Variants in JAK3 observed in about 807,000 individuals in gnomAD.
The protein encoded by JAK3 is tyrosine-protein kinase JAK3.
Under a neutral mutation model 120.8 loss-of-function variants are expected in JAK3, and 88 were observed. The ratio of observed to expected loss-of-function variants is 0.73; its 90% CI spans 0.61 to 0.87. JAK3 has a LOEUF of 0.87. Among genes scored for constraint, JAK3 ranks in the 40% least tolerant of loss-of-function variants. JAK3 has a pLI of 0.00. For missense variants in JAK3, 1,254 were observed against 1,501.4 expected (o/e 0.84, Z 2.72); for synonymous variants, 592 against 628.6 (o/e 0.94, Z 0.87).
intron 21 of JAK3, among the ~76,000 whole-genome samples, chr19:17,830,906 A>G (rs1304619621): frequency 1.3e-4 from 8 of 60,348 alleles, no homozygotes; most frequent in Non-Finnish European, 1.9e-4. Flanking sequence ...GGGCGGGGGG[A>G]AGGGCGGAAC....
chr19:17,842,968 T>G lies in JAK3; in HGVS notation c.566+59A>C, dbSNP rs894122823. ...TGGTGGGAGCCCGGCAAAGCCCCGA[T>G]GGAGCCCACGTTGCTCACTCCCAAG... On this transcript the variant is annotated intron_variant, in intron 5 of 23. Coordinates refer to ENST00000458235, the MANE Select transcript of JAK3 (RefSeq NM_000215.4). This position sits in a 1 kb window ranked among gnomAD's most constrained non-coding sequence, Gnocchi z 6.4. 5 of 1,599,658 alleles carry G rather than the reference T, an allele frequency of 3.1e-6. No homozygotes were observed. In the African/African-American group the frequency reaches 6.7e-5, roughly 21 times the overall value.
At chr19:17,836,100 T>G (rs2094223728) in intron 13 of JAK3, 49 bp from the exon 14 acceptor site, 1 of 1,609,418 alleles carries the variant, frequency 6.2e-7, no homozygotes, top group Non-Finnish European at 8.5e-7. Context: ...ACTGCACTTG[T>G]GTTGAGGAGG....
rs774261710 is a variant in JAK3 at position 17,830,459 on chromosome 19, C to T, written c.3096+44G>A. ...CAGGTTGGAGATTGGCCACGAGGGG[C>T]GTGGAGGGAGAAGAAGGCTGGGGGC... On this transcript the variant is annotated intron_variant, in intron 22 of 23. Coordinates refer to ENST00000458235, the MANE Select transcript of JAK3 (RefSeq NM_000215.4). 5.4e-6 allele frequency: 8 copies of T among 1,481,890 alleles called. No individual in the cohort carries two copies. In the African/African-American group the frequency reaches 9.7e-5, roughly 18 times the overall value. The allele number at this position is 1,481,890 out of a possible 1,614,324, so 91.8% of individuals were successfully genotyped here.
Position 17,842,558 on chromosome 19 carries a change from A to C in JAK3, c.619T>G (p.Phe207Val), listed in dbSNP as rs747707407. The change falls in exon 6 of 24, where the codon TTC (phenylalanine) becomes GTC (valine). Residue 207 changes from phenylalanine to valine, a missense_variant. Physicochemically the swap from Phe to Val is conservative, Grantham distance 50. Transcript: ENST00000458235. This position sits in a 1 kb window ranked among gnomAD's most constrained non-coding sequence, Gnocchi z 6.4. ...CTCCGAATACGCCTCCGCGTCACGA[A>C]GCTCAGGCCCTGGATCAGGTCGCGC... ...SLRDLIQGLS[F>V]VTRRRIRRTV... The C allele has an allele frequency of 1.9e-6, 3 of 1,587,614 alleles. No homozygotes were observed. Among genetic ancestry groups the C allele is most frequent in the Non-Finnish European group, 2.6e-6 (3 of 1,167,560 alleles).
intron 1 of JAK3, 104 bp from the exon 2 acceptor site, chr19:17,844,534 T>C (rs989117027): frequency 5.9e-6 from 6 of 1,010,010 alleles, no homozygotes; most frequent in Middle Eastern, 2.7e-4. Flanking sequence ...TGCGGTGGCT[T>C]ATGCCTGTAA....
At chr19:17,827,740 AAAAAAAAAAAAAAAAAAAAT>A (rs2094206606) in intron 23 of JAK3, among the ~76,000 whole-genome samples, 1 of 66,014 alleles carries the variant, frequency 1.5e-5, no homozygotes. Context: ...AAAAAAAAAA[AAAAAAAAAAAAAAAAAAAAT>A]TACAGGTGGC....
In JAK3 at chr19:17,832,773, G is replaced by A. The variant is rs1012424691; in HGVS notation, c.2490+17C>T. 8 of 1,614,206 alleles carry A rather than the reference G, an allele frequency of 5.0e-6. No individual in the cohort carries two copies. Among genetic ancestry groups the A allele is most frequent in the Non-Finnish European group, 6.8e-6 (8 of 1,180,018 alleles). ...TGCCCTGCCCTCTCCAACCCACCCT[G>A]GCCCTGCCCACCTTACCTTGCCCAG... On this transcript the variant is annotated intron_variant, in intron 18 of 23. Coordinates refer to ENST00000458235, the MANE Select transcript of JAK3 (RefSeq NM_000215.4). The surrounding 1 kb of genome is among the most constrained non-coding windows in gnomAD (Gnocchi z 4.7).
Position 17,843,334 on chromosome 19 carries a change from C to G in JAK3, c.420+46G>C, listed in dbSNP as rs1012278353. ...ATTGCATGCCAGTCCTCATGTTGCCCCTTGGACCCCCAACCCCCTGGGTCA... is the reference window on the plus strand; with the variant it reads ...ATTGCATGCCAGTCCTCATGTTGCCGCTTGGACCCCCAACCCCCTGGGTCA... On this transcript the variant is annotated intron_variant, in intron 4 of 23. Transcript: ENST00000458235. The surrounding 1 kb of genome is among the most constrained non-coding windows in gnomAD (Gnocchi z 5.4). 1 of 1,525,624 alleles carries G rather than the reference C, an allele frequency of 6.6e-7. No homozygotes were observed. Among genetic ancestry groups the G allele is most frequent in the Non-Finnish European group, 8.9e-7 (1 of 1,122,984 alleles). 94.5% of individuals were successfully genotyped at this position (1,525,624 alleles called of 1,614,324 possible). A position where few individuals can be genotyped will look rare whatever the true frequency, so the allele number is the denominator to read the frequency against.
Position 17,831,100 on chromosome 19 carries a change from A to C in JAK3, c.2978+128T>G. 1 of 973,558 alleles carries C rather than the reference A, an allele frequency of 1.0e-6. No individual in the cohort carries two copies. The highest frequency in any genetic ancestry group is 1.6e-5 in the South Asian group (1 of 63,360). 60.3% of individuals were successfully genotyped at this position (973,558 alleles called of 1,614,324 possible). On this transcript the variant is annotated intron_variant, in intron 21 of 23. Transcript: ENST00000458235. The surrounding 1 kb of genome is among the most constrained non-coding windows in gnomAD (Gnocchi z 5.1). ...GGGGCTCTGGGGAGTGGGAGGGGCC[A>C]AAGCTGCAGCGGAGGAAGGGCGGGG...
intron 14 of JAK3, among the ~76,000 whole-genome samples, 187 bp from the exon 15 acceptor site, chr19:17,835,402 T>G (rs938274044): frequency 6.6e-6 from 1 of 152,044 alleles, no homozygotes; most frequent in African/African-American, 2.4e-5. Context: ...GCTATGTCCC[T>G]CCCCTTCTCA....
Position 17,840,487 on chromosome 19 carries a change from G to A in JAK3, c.1143-146C>T. On this transcript the variant is annotated intron_variant, in intron 8 of 23. Coordinates refer to ENST00000458235, the MANE Select transcript of JAK3 (RefSeq NM_000215.4). ...CATTTATAAAATCAGCCATGGGCCA[G>A]GCGCCGTGGCTCACGCCTGTAATCC... is the stretch of plus-strand genomic sequence containing the variant. 2 of 657,284 alleles carry A rather than the reference G, an allele frequency of 3.0e-6. 1 individual carries two copies. Among genetic ancestry groups the A allele is most frequent in the South Asian group, 3.5e-5 (2 of 57,662 alleles). The allele number at this position is 657,284 out of a possible 1,614,324, so 40.7% of individuals were successfully genotyped here.
rs1423586230 is a variant in JAK3, at chr19:17,843,187, C to T, written c.421-15G>A. 6.3e-7 allele frequency: 1 copy of T among 1,599,090 alleles called. No homozygotes were observed. The highest frequency in any genetic ancestry group is 8.5e-7 in the Non-Finnish European group (1 of 1,175,718). On this transcript the variant is annotated splice_polypyrimidine_tract_variant and intron_variant, in intron 4 of 23. Coordinates refer to ENST00000458235, the MANE Select transcript of JAK3 (RefSeq NM_000215.4). This position sits in a 1 kb window ranked among gnomAD's most constrained non-coding sequence, Gnocchi z 5.4. ...TCACTGCGGTGCTGGGGGGCCGCCA[C>T]AGGGAGCATCAGCTGAGGCCACCCA...
chr19:17,825,667 C>T lies in JAK3; in HGVS notation c.*1076G>A, dbSNP rs977642720. 6.9e-5 allele frequency: 12 copies of T among 173,804 alleles called. No homozygotes were observed. The highest frequency in any genetic ancestry group is 3.2e-4 in the Admixed American group (5 of 15,644). The allele number at this position is 173,804 out of a possible 1,614,324, so 10.8% of individuals were successfully genotyped here. A position where few individuals can be genotyped will look rare whatever the true frequency, so the allele number is the denominator to read the frequency against. Reference sequence around the variant, plus strand: ...CTGTAATCCCAGCACTTTGGGAGGCCGAGACGGGCAGATCACGAGGTCAGG... The same window carrying T: ...CTGTAATCCCAGCACTTTGGGAGGCTGAGACGGGCAGATCACGAGGTCAGG... On this transcript the variant is annotated 3_prime_UTR_variant, in exon 24 of 24. Coordinates refer to ENST00000458235, the MANE Select transcript of JAK3 (RefSeq NM_000215.4).
At chr19:17,844,201 C>T (rs1215541514) in intron 2 of JAK3, 33 bp downstream of exon 2, 1 of 1,553,146 alleles carries the variant, frequency 6.4e-7, no homozygotes, top group African/African-American at 1.4e-5. Context: ...CCCCATCCTT[C>T]CCTCTGGCCC....
chr19:17,829,363 T>C (rs2147672949), intron 23 of JAK3, among the ~76,000 whole-genome samples: 1 of 152,228 alleles, frequency 6.6e-6, no homozygotes, highest in South Asian at 2.1e-4. Flanking sequence ...GTCACCATGT[T>C]GGCCAGGCTA....
rs966548994 is a variant in JAK3, at chr19:17,841,779, G to A, written c.862-17C>T. 3 of 1,601,066 alleles carry A rather than the reference G, an allele frequency of 1.9e-6. No homozygotes were observed. Among genetic ancestry groups the A allele is most frequent in the Admixed American group, 3.3e-5 (2 of 59,976 alleles). ...CTGGAGGACCTGGGAAGGAGGGGGAGTACCGAAGTGGGGGCCCAGCTGGAC... is the reference window on the plus strand; with the variant it reads ...CTGGAGGACCTGGGAAGGAGGGGGAATACCGAAGTGGGGGCCCAGCTGGAC... On this transcript the variant is annotated splice_polypyrimidine_tract_variant and intron_variant, in intron 6 of 23. Transcript: ENST00000458235. The surrounding 1 kb of genome is among the most constrained non-coding windows in gnomAD (Gnocchi z 4.1).
chr19:17,841,802 G>A lies in JAK3; in HGVS notation c.862-40C>T, dbSNP rs765075103. On this transcript the variant is annotated intron_variant, in intron 6 of 23. Coordinates refer to ENST00000458235, the MANE Select transcript of JAK3 (RefSeq NM_000215.4). This position sits in a 1 kb window ranked among gnomAD's most constrained non-coding sequence, Gnocchi z 4.1. ...GAGTACCGAAGTGGGGGCCCAGCTG[G>A]ACCCCGCCAAACCACGCCCATGAAC... The A allele has an allele frequency of 2.5e-6, 4 of 1,597,876 alleles. No individual in the cohort carries two copies. Among genetic ancestry groups the A allele is most frequent in the Non-Finnish European group, 3.4e-6 (4 of 1,179,420 alleles).
In JAK3 at chr19:17,831,365, G is replaced by A. The variant is rs1260011777; in HGVS notation, c.2841C>T (p.His947=). The part of the protein sequence containing the change: ...MEYLGSRRCV[H]RDLAARNILV... ...GGATGTTTCGGGCGGCCAGGTCGCG[G>A]TGCACGCAGCGGCGGGAGCCCAGGT... The change falls in exon 21 of 24, where the codon CAC becomes CAT. Residue 947 remains histidine, a synonymous_variant. Coordinates refer to ENST00000458235, the MANE Select transcript of JAK3 (RefSeq NM_000215.4). This position sits in a 1 kb window ranked among gnomAD's most constrained non-coding sequence, Gnocchi z 5.1. The A allele has an allele frequency of 1.2e-6, 2 of 1,608,804 alleles. No individual in the cohort carries two copies. Among genetic ancestry groups the A allele is most frequent in the African/African-American group, 1.3e-5 (1 of 74,854 alleles).
In JAK3 at chr19:17,830,634, A is replaced by G; in HGVS notation, c.2979-14T>C. ...TCGGGGGCATACCTGGAGAGGGGAC[A>G]AGGTCTTGAGATGCGAGGGTGTAGA... On this transcript the variant is annotated splice_polypyrimidine_tract_variant and intron_variant, in intron 21 of 23. Coordinates refer to ENST00000458235, the MANE Select transcript of JAK3 (RefSeq NM_000215.4). 6.2e-7 allele frequency: 1 copy of G among 1,605,534 alleles called. No homozygotes were observed.
Sources: allele counts gnomAD v4.1 joint callset (sites outside exome capture counted in the v4.1 genomes callset), GRCh38; gene constraint gnomAD v4.1.1; non-coding constraint Gnocchi (gnomAD v3.1); transcripts MANE v1.5; gene names NCBI Gene and HGNC (gene_info 2026-07-23, HGNC 2026-07-21).